PREX1: variants seen among roughly 807,000 people sequenced by gnomAD.
PREX1 encodes phosphatidylinositol-3,4,5-trisphosphate dependent Rac exchange factor 1.
Under a neutral mutation model 198.3 loss-of-function variants are expected in PREX1, and 41 were observed. That is an observed-to-expected ratio of 0.21 (90% CI 0.16 to 0.27). The LOEUF (loss-of-function observed/expected upper bound fraction) is 0.27. Ranked by LOEUF, PREX1 falls within the 10% of genes least tolerant of loss-of-function variation. PREX1 has a pLI of 1.00. For synonymous variants in PREX1, 843 were observed against 887.2 expected (o/e 0.95, Z 0.89); for missense variants, 1,620 against 2,200.7 (o/e 0.74, Z 5.28).
At position 48,636,657 on chromosome 20, in the gene PREX1, C is replaced by T. The variant is rs776805055; in HGVS notation, c.3973G>A (p.Ala1325Thr). ...GCCACCAGGGCCTGGCAGAAGATCG[C>T]GTCTCTGCGCAGCTGCAGCTCCGTG... Reference protein sequence around the residue: ...TDTELQLRRDAIFCQALVAAV... With the variant: ...TDTELQLRRDTIFCQALVAAV... Residue 1325 changes from alanine (A) to threonine (T), a missense_variant, in exon 32 of 40, where the codon GCG (alanine) becomes ACG (threonine). Around this residue, in one of 7 missense-constraint regions of PREX1, gnomAD observed 476 missense variants for 603.4 expected, o/e 0.79. Transcript: ENST00000371941. 2.0e-5 allele frequency: 32 copies of T among 1,609,080 alleles called. No individual in the cohort carries two copies. Among genetic ancestry groups the T allele is most frequent in the Admixed American group, 3.3e-5 (2 of 59,778 alleles).
At position 48,625,690 on chromosome 20, in the gene PREX1, C is replaced by T. The variant is rs1416207553; in HGVS notation, c.*195G>A. ...GTGTGAAGAATGGGCCGGCCCAGGG[C>T]CAATCAGCCAGCTCGTCATCACAGC... is the stretch of plus-strand genomic sequence containing the variant. On this transcript the variant is annotated 3_prime_UTR_variant, in exon 40 of 40. Transcript: ENST00000371941. 4.6e-6 allele frequency: 3 copies of T among 650,380 alleles called. No homozygotes were observed. Among genetic ancestry groups the T allele is most frequent in the Non-Finnish European group, 7.5e-6 (3 of 398,604 alleles). 40.3% of individuals were successfully genotyped at this position (650,380 alleles called of 1,614,324 possible).
chr20:48,718,013 T>A (rs1287727053), intron 5 of PREX1, among the ~76,000 whole-genome samples: 1 of 152,260 alleles, frequency 6.6e-6, no homozygotes, highest in Non-Finnish European at 1.5e-5. Context: ...TTGGCTGGGC[T>A]GAGCAGTGGC....
the PREX1 span, among the ~76,000 whole-genome samples, chr20:48,844,453 C>G: frequency 2.0e-5 from 3 of 152,128 alleles, no homozygotes; most frequent in African/African-American, 7.2e-5. Flanking sequence ...CTCCTCACCC[C>G]CAGCAGGCAG....
At chr20:48,825,089 T>C (rs558733482) in intron 1 of PREX1, among the ~76,000 whole-genome samples, 7 of 152,222 alleles carry the variant, frequency 4.6e-5, no homozygotes, top group East Asian at 1.9e-4. Flanking sequence ...CTTGCAACCA[T>C]GGAAAGCCTT....
chr20:48,882,701 C>G, the PREX1 span, among the ~76,000 whole-genome samples: 2 of 151,756 alleles, frequency 1.3e-5, no homozygotes, highest in African/African-American at 4.9e-5. Context: ...TTTTTGCCAG[C>G]AATATATAAG....
At chr20:48,811,482 C>T (rs1023918259) in intron 1 of PREX1, among the ~76,000 whole-genome samples, 2 of 151,982 alleles carry the variant, frequency 1.3e-5, no homozygotes, top group Non-Finnish European at 2.9e-5. Flanking sequence ...CAAGGCCTGG[C>T]CCACAGCAAG....
At chr20:48,759,935 C>G (rs1195526810) in intron 1 of PREX1, among the ~76,000 whole-genome samples, 1 of 152,022 alleles carries the variant, frequency 6.6e-6, no homozygotes, top group African/African-American at 2.4e-5. Context: ...AACCTCATCT[C>G]TACCAAAAAT....
intron 25 of PREX1, among the ~76,000 whole-genome samples, chr20:48,648,670 TG>T (rs2089468764): frequency 6.6e-6 from 1 of 152,206 alleles, no homozygotes; most frequent in African/African-American, 2.4e-5. Flanking sequence ...GTTCAGAGGC[TG>T]CATCTGGCAG....
chr20:48,724,411 G>A (rs1307272593), intron 5 of PREX1, among the ~76,000 whole-genome samples: 2 of 152,204 alleles, frequency 1.3e-5, no homozygotes, highest in African/African-American at 4.8e-5. Flanking sequence ...CTGAGGCACA[G>A]GGACGGATAG....
chr20:48,775,445 C>A (rs886482469), intron 1 of PREX1, among the ~76,000 whole-genome samples: 10 of 152,122 alleles, frequency 6.6e-5, no homozygotes, highest in Admixed American at 5.2e-4. Context: ...GGAGAGCACA[C>A]CATGGGCAGT....
chr20:48,658,252 C>A, intron 16 of PREX1, 24 bp from the exon 17 acceptor site: 1 of 1,611,850 alleles, frequency 6.2e-7, no homozygotes, highest in Non-Finnish European at 8.5e-7. Context: ...GCAGAAGGAA[C>A]CCGGTCAGGG....
rs964616780 is a variant in PREX1 at position 48,651,176 on chromosome 20, C to T, written c.2656-121G>A. ...CCCGGGAAGTCAGGTGTGTTGCTGG[C>T]CCATATTGCACGGGAGTAAACTGAG... is the stretch of plus-strand genomic sequence containing the variant. On this transcript the variant is annotated intron_variant, in intron 22 of 39. Transcript: ENST00000371941. 10 of 1,343,502 alleles carry T rather than the reference C, an allele frequency of 7.4e-6. No individual in the cohort carries two copies. The African/African-American group carries it at 1.2e-4, about 16-fold the overall frequency. 83.2% of individuals were successfully genotyped at this position (1,343,502 alleles called of 1,614,324 possible).
intron 11 of PREX1, 131 bp from the exon 12 acceptor site, chr20:48,679,885 C>T (rs2089737550): frequency 1.4e-6 from 1 of 705,242 alleles, no homozygotes; most frequent in Non-Finnish European, 2.5e-6. Context: ...CAGCATCAGG[C>T]TTCACTGCTG....
intron 1 of PREX1, among the ~76,000 whole-genome samples, chr20:48,803,852 A>T (rs891345709): frequency 6.6e-6 from 1 of 152,222 alleles, no homozygotes; most frequent in African/African-American, 2.4e-5. Context: ...ACCTGGATCC[A>T]ACTGTGCCTG....
chr20:48,648,597 C>A (rs1026623744), intron 25 of PREX1, among the ~76,000 whole-genome samples: 3 of 152,200 alleles, frequency 2.0e-5, no homozygotes, highest in Non-Finnish European at 4.4e-5. Flanking sequence ...AGTCTGTGGA[C>A]AAACACCCCT....
rs758568428 is a variant in PREX1, at chr20:48,666,905, A to T, written c.1666-550T>A. Among the ~76,000 whole-genome samples, 6 of 152,192 alleles carry T rather than the reference A, an allele frequency of 3.9e-5. No individual in the cohort carries two copies. The highest frequency in any genetic ancestry group is 5.9e-5 in the Non-Finnish European group (4 of 68,038). ...TCAATACCGCAAAGAAAAAATGGAG[A>T]TTTTAAGCGGCAGACAATGTTGGTT... On this transcript the variant is annotated intron_variant, in intron 14 of 39. Transcript: ENST00000371941. This position sits in a 1 kb window ranked among gnomAD's most constrained non-coding sequence, Gnocchi z 4.3.
chr20:48,861,031 G>A, the PREX1 span, among the ~76,000 whole-genome samples: 1 of 152,012 alleles, frequency 6.6e-6, no homozygotes, highest in African/African-American at 2.4e-5. Context: ...CTCCTTCCTG[G>A]GGCCCAGAAA....
Position 48,827,111 on chromosome 20 carries a change from A to G in PREX1, c.219+531T>C, listed in dbSNP as rs2090512371. On this transcript the variant is annotated intron_variant, in intron 1 of 39. Transcript: ENST00000371941. The surrounding 1 kb of genome is among the most constrained non-coding windows in gnomAD (Gnocchi z 4.1). ...AAACCCACTCTCCCCGAACTCCAGC[A>G]AAAACCTGTGCATGGGGGATTCTAC... 6.6e-6 allele frequency among the ~76,000 whole-genome samples: 1 copy of G among 152,154 alleles called. No individual in the cohort carries two copies. The highest frequency in any genetic ancestry group is 1.5e-5 in the Non-Finnish European group (1 of 68,028).
chr20:48,773,389 T>G (rs565227303), intron 1 of PREX1, among the ~76,000 whole-genome samples: 2 of 152,110 alleles, frequency 1.3e-5, no homozygotes, highest in East Asian at 3.9e-4. Context: ...GGCCTCCAAG[T>G]GCCCCACACT....
Sources: allele counts gnomAD v4.1 joint callset (sites outside exome capture counted in the v4.1 genomes callset), GRCh38; gene constraint gnomAD v4.1.1; regional missense constraint gnomAD v4.1.1; non-coding constraint Gnocchi (gnomAD v3.1); transcripts MANE v1.5; gene names NCBI Gene and HGNC (gene_info 2026-07-23, HGNC 2026-07-21).